RBFOX1: variants seen among roughly 807,000 people sequenced by gnomAD.
The protein encoded by RBFOX1 is RNA binding protein fox-1 homolog 1.
In RBFOX1, 8 loss-of-function variants were observed where a neutral mutation model predicts 57.7. The observed-to-expected ratio is 0.14, with a 90% CI of 0.08 to 0.25. The LOEUF (loss-of-function observed/expected upper bound fraction) is 0.25, where lower values mean the gene tolerates loss of function less well. RBFOX1 is among the 10% of genes least tolerant of loss of function. The pLI, the probability that RBFOX1 is intolerant of heterozygous loss-of-function variation, is 1.00. For synonymous variants in RBFOX1, 326 were observed against 222.4 expected, an observed-to-expected ratio of 1.47 and a Z score of -4.15; for missense variants, 611 against 548.5, an observed-to-expected ratio of 1.11 and a Z score of -1.14.
intron 4 of RBFOX1, among the ~76,000 whole-genome samples, chr16:7,219,753 C>G (rs1282310476): frequency 6.6e-6 from 1 of 152,130 alleles, no homozygotes; most frequent in Non-Finnish European, 1.5e-5. Flanking sequence ...TGACTCCATT[C>G]CTTTTAGAAA....
At chr16:7,590,608 C>G (rs1040474933) in intron 7 of RBFOX1, among the ~76,000 whole-genome samples, 2 of 151,900 alleles carry the variant, frequency 1.3e-5, no homozygotes, top group African/African-American at 4.8e-5. Context: ...TCTTGTAATC[C>G]CAGCACTTTG....
intron 3 of RBFOX1, among the ~76,000 whole-genome samples, chr16:6,802,608 C>T (rs577605211): frequency 6.6e-5 from 10 of 152,250 alleles, no homozygotes; most frequent in African/African-American, 7.2e-5. Context: ...ACCTGGGTGG[C>T]CGAGATTGCA....
chr16:7,621,537 C>A (rs1277698930), intron 10 of RBFOX1, among the ~76,000 whole-genome samples: 2 of 152,158 alleles, frequency 1.3e-5, no homozygotes, highest in African/African-American at 4.8e-5. Flanking sequence ...GCTGGGATTA[C>A]AGGCAGGGTC....
At chr16:6,708,898 C>A (rs1367698614) in intron 3 of RBFOX1, among the ~76,000 whole-genome samples, 6 of 152,116 alleles carry the variant, frequency 3.9e-5, no homozygotes, top group Non-Finnish European at 8.8e-5. Context: ...TTCTCTGCTT[C>A]CCACTCCATT....
At chr16:5,395,023 A>C (rs1460248630) in intron 1 of RBFOX1, among the ~76,000 whole-genome samples, 3 of 152,020 alleles carry the variant, frequency 2.0e-5, no homozygotes, top group Non-Finnish European at 4.4e-5. Context: ...GGAGTCCCAC[A>C]TTTCAAGCCA....
In RBFOX1 at chr16:7,693,432, TTTC is replaced by T. The variant is rs2077834980; in HGVS notation, c.996-15617_996-15615del. 4.6e-6 allele frequency: 6 copies of T among 1,296,518 alleles called. No homozygotes were observed. In the Admixed American group the frequency reaches 6.0e-5, roughly 13 times the overall value. 80.3% of individuals were successfully genotyped at this position (1,296,518 alleles called of 1,614,324 possible). On this transcript the variant is annotated intron_variant, in intron 14 of 15. Coordinates refer to ENST00000550418, the MANE Select transcript of RBFOX1 (RefSeq NM_018723.4). ...CTCAGTATCCTTTTTTTTTTTTTTT[TTTC>T]TTCTTCACATGCTGCAGTTGGTCAC... is the stretch of plus-strand genomic sequence containing the variant.
At chr16:5,667,692 A>T (rs759807986) in intron 3 of RBFOX1, among the ~76,000 whole-genome samples, 1 of 152,046 alleles carries the variant, frequency 6.6e-6, no homozygotes, top group Non-Finnish European at 1.5e-5. Flanking sequence ...TATCCTTTCT[A>T]GTTGGTGTTT....
intron 13 of RBFOX1, among the ~76,000 whole-genome samples, chr16:7,673,735 A>G (rs573306029): frequency 1.3e-5 from 2 of 152,332 alleles, no homozygotes; most frequent in East Asian, 1.9e-4. Context: ...AAATTTTTAT[A>G]TAAGGTTACA....
At chr16:5,590,800 G>C (rs1303709968) in intron 2 of RBFOX1, among the ~76,000 whole-genome samples, 1 of 152,186 alleles carries the variant, frequency 6.6e-6, no homozygotes, top group Non-Finnish European at 1.5e-5. Flanking sequence ...AAATCTGAGA[G>C]TGCATCTACC....
At chr16:7,162,665 G>GT (rs1325121023) in intron 4 of RBFOX1, among the ~76,000 whole-genome samples, 3 of 151,950 alleles carry the variant, frequency 2.0e-5, no homozygotes, top group African/African-American at 7.3e-5. Flanking sequence ...GGAGACAGAG[G>GT]TTGCAGTGAG....
intron 1 of RBFOX1, among the ~76,000 whole-genome samples, chr16:6,224,399 C>A (rs1028172748): frequency 6.6e-6 from 1 of 152,000 alleles, no homozygotes; most frequent in South Asian, 2.1e-4. Context: ...TTGTAGTTCT[C>A]CTTGAAGAGG....
chr16:6,770,686 C>T (rs943964094), intron 3 of RBFOX1, among the ~76,000 whole-genome samples: 2 of 152,066 alleles, frequency 1.3e-5, no homozygotes, highest in East Asian at 1.9e-4. Context: ...CAAAGTTCTC[C>T]GTCTGCCTGG....
intron 3 of RBFOX1, among the ~76,000 whole-genome samples, chr16:6,885,566 C>T (rs553168077): frequency 6.6e-6 from 1 of 151,674 alleles, no homozygotes; most frequent in South Asian, 2.1e-4. Context: ...GAGTCTTGCT[C>T]TGTCATCCAG....
chr16:5,603,505 C>G (rs2047435986), downstream of RBFOX1, among the ~76,000 whole-genome samples: 1 of 152,148 alleles, frequency 6.6e-6, no homozygotes, highest in African/African-American at 2.4e-5. Flanking sequence ...TTCTGGGAAC[C>G]TGTGTCTTAG....
intron 3 of RBFOX1, among the ~76,000 whole-genome samples, chr16:6,932,321 G>C (rs1370572286): frequency 6.6e-6 from 1 of 151,990 alleles, no homozygotes; most frequent in Non-Finnish European, 1.5e-5. Context: ...TGGCCAAGCT[G>C]GTCTCAAACT....
At chr16:7,072,134 A>G (rs1030123834) in intron 4 of RBFOX1, among the ~76,000 whole-genome samples, 1 of 152,178 alleles carries the variant, frequency 6.6e-6, no homozygotes, top group Non-Finnish European at 1.5e-5. Flanking sequence ...GCCTGGAACA[A>G]TAGTAGTTAC....
intron 4 of RBFOX1, among the ~76,000 whole-genome samples, chr16:7,395,961 T>G (rs977088089): frequency 1.3e-5 from 2 of 152,056 alleles, no homozygotes; most frequent in Admixed American, 1.3e-4. Flanking sequence ...ATTAAGATAA[T>G]TATGTGTTGG....
rs757260576 is a variant in RBFOX1 at position 6,034,331 on chromosome 16, CAAAAAAAA to C, written c.-127+14358_-127+14365del. On this transcript the variant is annotated intron_variant, in intron 1 of 15. Coordinates refer to ENST00000550418, the MANE Select transcript of RBFOX1 (RefSeq NM_018723.4). The stretch of plus-strand genomic sequence containing the variant: ...TGGGTGACAGAGCGAGACTGTTGCG[CAAAAAAAA>C]AAAAAAAAAAAAAAAAAAGAAAAGA... 6.5e-4 allele frequency among the ~76,000 whole-genome samples: 24 copies of C among 37,134 alleles called. No individual in the cohort carries two copies. In the East Asian group the frequency reaches 0.014, roughly 22 times the overall value. The allele number at this position is 37,134 out of a possible 152,430, so 24.4% of individuals were successfully genotyped here. A position where few individuals can be genotyped will look rare whatever the true frequency, so the allele number is the denominator to read the frequency against.
At chr16:6,700,915 G>A (rs997884763) in intron 3 of RBFOX1, among the ~76,000 whole-genome samples, 3 of 151,942 alleles carry the variant, frequency 2.0e-5, no homozygotes, top group East Asian at 1.9e-4. Context: ...TCACGTCCTC[G>A]GACTACTTAA....
Sources: allele counts gnomAD v4.1 joint callset (sites outside exome capture counted in the v4.1 genomes callset), GRCh38; gene constraint gnomAD v4.1.1; transcripts MANE v1.5; gene names NCBI Gene and HGNC (gene_info 2026-07-23, HGNC 2026-07-21).